Variants in MARCHF1 observed in about 807,000 individuals in gnomAD.
MARCHF1 encodes the protein membrane associated ring-CH-type finger 1.
MARCHF1 carries 40 observed loss-of-function variants against 54.2 expected under a neutral mutation model. The observed-to-expected ratio is 0.74, with a 90% CI of 0.57 to 0.96. MARCHF1 has a LOEUF of 0.96. MARCHF1 is among the 40% of genes least tolerant of loss of function. The pLI is 0.00. For synonymous variants in MARCHF1, 236 were observed against 236.3 expected (o/e 1.00, Z 0.01); for missense variants, 586 against 656.5 (o/e 0.89, Z 1.17).
chr4:163,707,198 C>T (rs920154342), intron 4 of MARCHF1, among the ~76,000 whole-genome samples: 6 of 152,044 alleles, frequency 3.9e-5, no homozygotes, highest in South Asian at 2.1e-4. Flanking sequence ...AGCTAAGACA[C>T]GAACCAGAAA....
In MARCHF1 at chr4:163,527,850, CAT is replaced by C. The variant is rs34559422; in HGVS notation, c.*896_*897del. The C allele has an allele frequency of 0.4, 60,188 of 151,712 alleles. 12,983 individuals are homozygous for C. Among genetic ancestry groups the C allele is most frequent in the Admixed American group, 0.53 (8,046 of 15,202 alleles). The allele number at this position is 151,712 out of a possible 1,614,324, so 9.4% of individuals were successfully genotyped here. A position where few individuals can be genotyped will look rare whatever the true frequency, so the allele number is the denominator to read the frequency against. ...ATCAATCAATTTTTTATATTGATGA[CAT>C]GTTGAAATAACATATAGTGTTTTTA... On this transcript the variant is annotated 3_prime_UTR_variant, in exon 10 of 10. Coordinates refer to ENST00000514618, the MANE Select transcript of MARCHF1 (RefSeq NM_001394959.1).
At chr4:163,888,405 G>T (rs1446285536) in intron 3 of MARCHF1, among the ~76,000 whole-genome samples, 3 of 152,098 alleles carry the variant, frequency 2.0e-5, no homozygotes, top group Non-Finnish European at 2.9e-5. Flanking sequence ...TGGTGTGATT[G>T]GCAAATCCAT....
chr4:163,779,218 C>A (rs1234338171), intron 4 of MARCHF1, among the ~76,000 whole-genome samples: 1 of 152,082 alleles, frequency 6.6e-6, no homozygotes, highest in South Asian at 2.1e-4. Flanking sequence ...ACTTAACTAG[C>A]TTTTTGTCTT....
At chr4:163,632,554 C>T (rs546282694) in intron 5 of MARCHF1, among the ~76,000 whole-genome samples, 38 of 152,302 alleles carry the variant, frequency 2.5e-4, no homozygotes, top group Admixed American at 1.3e-3. Context: ...TAAAAAACGG[C>T]GCACCACAAG....
intron 4 of MARCHF1, among the ~76,000 whole-genome samples, chr4:163,726,340 A>G (rs180748114): frequency 2.0e-5 from 3 of 152,332 alleles, no homozygotes; most frequent in African/African-American, 7.2e-5. Flanking sequence ...TGCCTTTTCT[A>G]GAATGTCATA....
chr4:163,846,497 GA>G (rs1749489180), intron 4 of MARCHF1, among the ~76,000 whole-genome samples: 2 of 152,092 alleles, frequency 1.3e-5, no homozygotes, highest in African/African-American at 2.4e-5. Context: ...GGAAGAGAGT[GA>G]GGAGGATGTC....
chr4:164,198,242 A>G (rs1411788446), intron 1 of MARCHF1, among the ~76,000 whole-genome samples: 1 of 152,220 alleles, frequency 6.6e-6, no homozygotes, highest in Admixed American at 6.5e-5. Context: ...TTTTATTGGT[A>G]TCATCATGAA....
At chr4:163,532,794 A>G (rs977047359) in intron 9 of MARCHF1, among the ~76,000 whole-genome samples, 4 of 152,034 alleles carry the variant, frequency 2.6e-5, no homozygotes, top group African/African-American at 7.2e-5. Context: ...AGAATTGCAC[A>G]TTAAAACAAG....
At chr4:163,864,029 T>A (rs998806476) in intron 3 of MARCHF1, among the ~76,000 whole-genome samples, 1 of 151,868 alleles carries the variant, frequency 6.6e-6, no homozygotes. Context: ...TAATGAATGA[T>A]TGAATAAAGA....
intron 1 of MARCHF1, among the ~76,000 whole-genome samples, chr4:164,325,791 T>C (rs922457969): frequency 2.0e-5 from 3 of 151,884 alleles, no homozygotes; most frequent in Non-Finnish European, 4.4e-5. Flanking sequence ...TATAGAAATA[T>C]GATAGAAACA....
chr4:164,163,533 A>G (rs1425354513), intron 1 of MARCHF1, among the ~76,000 whole-genome samples: 1 of 152,048 alleles, frequency 6.6e-6, no homozygotes, highest in African/African-American at 2.4e-5. Flanking sequence ...TAATACAAAA[A>G]AAGTAAGAAA....
chr4:164,123,774 C>T (rs896059578), intron 1 of MARCHF1, among the ~76,000 whole-genome samples: 4 of 152,070 alleles, frequency 2.6e-5, no homozygotes, highest in African/African-American at 9.7e-5. Context: ...AGACCCCTAG[C>T]TTTTGCCATA....
At chr4:163,625,894 C>T (rs1051225405) in intron 5 of MARCHF1, among the ~76,000 whole-genome samples, 3 of 152,130 alleles carry the variant, frequency 2.0e-5, no homozygotes, top group African/African-American at 7.2e-5. Context: ...GAATTAATGT[C>T]TTTTAAACAC....
intron 2 of MARCHF1, among the ~76,000 whole-genome samples, chr4:164,099,290 T>A (rs777524038): frequency 1.1e-4 from 16 of 152,190 alleles, no homozygotes; most frequent in Non-Finnish European, 2.4e-4. Flanking sequence ...GAGAGCTCTT[T>A]CCATTTATTT....
At chr4:163,993,724 G>C (rs1015032899) in intron 2 of MARCHF1, among the ~76,000 whole-genome samples, 2 of 152,026 alleles carry the variant, frequency 1.3e-5, no homozygotes, top group Non-Finnish European at 2.9e-5. Context: ...AACACTATGG[G>C]ACTGATCTTT....
intron 3 of MARCHF1, among the ~76,000 whole-genome samples, chr4:163,948,249 T>TTTAGCTGACTTTTTTC (rs1752063019): frequency 6.6e-6 from 1 of 152,220 alleles, no homozygotes; most frequent in Non-Finnish European, 1.5e-5. Flanking sequence ...AATCAGGTAA[T>TTTAGCTGACTTTTTTC]ATCATTAGCT....
At chr4:164,047,012 G>A (rs2001227) in intron 2 of MARCHF1, among the ~76,000 whole-genome samples, 79,091 of 151,980 alleles carry the variant, frequency 0.52, 21,612 homozygotes, top group Middle Eastern at 0.69. Flanking sequence ...TATCAAATAA[G>A]TGGACATTCC....
chr4:164,043,953 C>G (rs765077765), intron 2 of MARCHF1, among the ~76,000 whole-genome samples: 1 of 152,188 alleles, frequency 6.6e-6, no homozygotes, highest in Non-Finnish European at 1.5e-5. Context: ...TAGCAAGAGT[C>G]ACCTTTACTC....
chr4:164,225,939 T>G (rs562076744), intron 1 of MARCHF1, among the ~76,000 whole-genome samples: 2 of 152,202 alleles, frequency 1.3e-5, no homozygotes, highest in East Asian at 3.9e-4. Flanking sequence ...TTTCAGTCAT[T>G]CCAATTTGCA....
Sources: allele counts gnomAD v4.1 joint callset (sites outside exome capture counted in the v4.1 genomes callset), GRCh38; gene constraint gnomAD v4.1.1; transcripts MANE v1.5; gene names NCBI Gene and HGNC (gene_info 2026-07-23, HGNC 2026-07-21).